JMJD1C: variants seen among roughly 807,000 people sequenced by gnomAD.
JMJD1C encodes the protein jumonji domain-containing protein 1C.
A neutral mutation model predicts 245.3 loss-of-function variants in JMJD1C; 31 were observed. The ratio of observed to expected loss-of-function variants is 0.13; its 90% CI spans 0.09 to 0.17. The LOEUF is 0.17. JMJD1C is among the 10% of genes least tolerant of loss of function. JMJD1C has a pLI of 1.00. For synonymous variants in JMJD1C, 1,057 were observed against 1,017.4 expected, an observed-to-expected ratio of 1.04 and a Z score of -0.74; for missense variants, 2,691 against 3,000.2, an observed-to-expected ratio of 0.90 and a Z score of 2.41.
chr10:63,386,996 T>A (rs1250461792), intron 1 of JMJD1C, among the ~76,000 whole-genome samples: 1 of 152,074 alleles, frequency 6.6e-6, no homozygotes, highest in Admixed American at 6.6e-5. Context: ...TAATAAAATG[T>A]CACCACAGCT....
intron 2 of JMJD1C, among the ~76,000 whole-genome samples, chr10:63,280,346 G>A (rs543227883): frequency 3.2e-4 from 49 of 151,242 alleles, no homozygotes; most frequent in Middle Eastern, 3.4e-3. Context: ...TCAAGAGATT[G>A]AGACCATCCT....
intron 2 of JMJD1C, among the ~76,000 whole-genome samples, chr10:63,327,021 T>C (rs1941598249): frequency 1.3e-5 from 2 of 151,936 alleles, no homozygotes; most frequent in South Asian, 4.2e-4. Context: ...ACCCCATCTC[T>C]ACAAAAAATA....
intron 2 of JMJD1C, among the ~76,000 whole-genome samples, chr10:63,329,054 G>T (rs1345455409): frequency 6.6e-6 from 1 of 152,120 alleles, no homozygotes; most frequent in Non-Finnish European, 1.5e-5. Flanking sequence ...GGCTGAGGTG[G>T]GAGAACTGCT....
intron 10 of JMJD1C, among the ~76,000 whole-genome samples, chr10:63,200,956 T>G (rs1845939081): frequency 6.6e-6 from 1 of 152,214 alleles, no homozygotes; most frequent in Non-Finnish European, 1.5e-5. Flanking sequence ...TCTTTAAATA[T>G]CATTCATGTA....
chr10:63,253,891 A>G (rs1046244668), intron 3 of JMJD1C, among the ~76,000 whole-genome samples: 2 of 152,028 alleles, frequency 1.3e-5, no homozygotes, highest in African/African-American at 4.8e-5. Flanking sequence ...CATTTTGCTT[A>G]TATTTGTTTT....
intron 2 of JMJD1C, chr10:63,269,082 G>A: frequency 2.0e-6 from 2 of 985,424 alleles, no homozygotes; most frequent in Non-Finnish European, 2.4e-6. Context: ...TTCTCTCGAG[G>A]TCGCTTACAT....
chr10:63,259,798 G>A (rs1424106655), intron 3 of JMJD1C, among the ~76,000 whole-genome samples: 2 of 152,190 alleles, frequency 1.3e-5, no homozygotes, highest in African/African-American at 4.8e-5. Flanking sequence ...CAACAGTACT[G>A]TATTTAGTAT....
At chr10:63,333,515 A>T (rs1942382039) in intron 2 of JMJD1C, among the ~76,000 whole-genome samples, 1 of 152,270 alleles carries the variant, frequency 6.6e-6, no homozygotes, top group African/African-American at 2.4e-5. Context: ...CCTGGACAAT[A>T]AAGTGAGACC....
chr10:63,291,951 G>T (rs768826936), intron 2 of JMJD1C, among the ~76,000 whole-genome samples: 17 of 151,838 alleles, frequency 1.1e-4, no homozygotes, highest in Non-Finnish European at 2.5e-4. Context: ...TGTGTGTGTT[G>T]TATGTGTGTG....
intron 1 of JMJD1C, among the ~76,000 whole-genome samples, chr10:63,396,714 T>C (rs1036798285): frequency 6.6e-6 from 1 of 152,114 alleles, no homozygotes; most frequent in African/African-American, 2.4e-5. Context: ...AGAAAGAATA[T>C]TTCTATTTTG....
intron 2 of JMJD1C, among the ~76,000 whole-genome samples, chr10:63,289,823 C>T (rs566618700): frequency 2.6e-5 from 4 of 152,124 alleles, no homozygotes; most frequent in African/African-American, 9.6e-5. Context: ...GCCACAAATA[C>T]TTCTAAATTA....
intron 10 of JMJD1C, chr10:63,203,540 A>T (rs1053725317): frequency 2.1e-6 from 2 of 969,698 alleles, no homozygotes; most frequent in Non-Finnish European, 2.5e-6. Flanking sequence ...CTGGTTTTGT[A>T]TTGTAGAATT....
At chr10:63,235,174 A>T (rs547956775) in intron 3 of JMJD1C, among the ~76,000 whole-genome samples, 1 of 152,210 alleles carries the variant, frequency 6.6e-6, no homozygotes, top group Non-Finnish European at 1.5e-5. Flanking sequence ...GCCTTATTCT[A>T]TAAGTATTTT....
At position 63,193,320 on chromosome 10, in the gene JMJD1C, T is replaced by A. The variant is rs369713147; in HGVS notation, c.5862+25A>T. The A allele has an allele frequency of 2.5e-6, 4 of 1,568,708 alleles. No individual in the cohort carries two copies. In the African/African-American group the frequency reaches 5.5e-5, roughly 22 times the overall value. Reference sequence around the variant, plus strand: ...GACTAATTTAACCACAGATTTTATTTGAATAACCAGAGATTTTTACTCACT... The same window carrying A: ...GACTAATTTAACCACAGATTTTATTAGAATAACCAGAGATTTTTACTCACT... On this transcript the variant is annotated intron_variant, in intron 15 of 25. Coordinates refer to ENST00000399262, the MANE Select transcript of JMJD1C (RefSeq NM_032776.3).
At chr10:63,341,291 A>G (rs1259726920) in intron 2 of JMJD1C, among the ~76,000 whole-genome samples, 2 of 152,254 alleles carry the variant, frequency 1.3e-5, no homozygotes, top group African/African-American at 4.8e-5. Flanking sequence ...AAATTTGCCA[A>G]GGTCATTGCT....
chr10:63,505,797 C>T (rs1037888109), intron 1 of JMJD1C, among the ~76,000 whole-genome samples: 13 of 150,108 alleles, frequency 8.7e-5, no homozygotes, highest in African/African-American at 3.0e-4. Context: ...TAAACACATA[C>T]TAGATAGCCC....
chr10:63,281,456 GC>G (rs1367835771), intron 2 of JMJD1C, among the ~76,000 whole-genome samples: 2 of 116,952 alleles, frequency 1.7e-5, no homozygotes, highest in East Asian at 2.6e-4. Context: ...ACTGCGCCTG[GC>G]CTTTTTTTTT....
intron 1 of JMJD1C, among the ~76,000 whole-genome samples, chr10:63,442,895 C>T (rs1951474758): frequency 6.6e-6 from 1 of 152,186 alleles, no homozygotes; most frequent in Admixed American, 6.5e-5. Context: ...TCCAATACCA[C>T]TTCTCCGACT....
intron 2 of JMJD1C, among the ~76,000 whole-genome samples, chr10:63,351,057 T>C (rs1246828802): frequency 6.6e-6 from 1 of 151,562 alleles, no homozygotes; most frequent in Non-Finnish European, 1.5e-5. Flanking sequence ...CTCTGAACTG[T>C]GCCTTAACAA....
Sources: gnomAD v4.1 joint callset for allele counts (sites outside exome capture counted in the v4.1 genomes callset) on GRCh38, gnomAD v4.1.1 for gene constraint, MANE v1.5 for transcripts, NCBI Gene and HGNC (gene_info 2026-07-23, HGNC 2026-07-21) for gene names.